The following CACNG2 variants were observed in gnomAD, a reference collection of about 807,000 sequenced individuals.
CACNG2 encodes the protein voltage-dependent calcium channel gamma-2 subunit.
Under a neutral mutation model 25.9 loss-of-function variants are expected in CACNG2, and 3 were observed. That is an observed-to-expected ratio of 0.12 (90% CI 0.05 to 0.30). The LOEUF is 0.30. Among genes scored for constraint, CACNG2 ranks in the 10% least tolerant of loss-of-function variants. The pLI, the probability that CACNG2 is intolerant of heterozygous loss-of-function variation, is 1.00. For synonymous variants in CACNG2, 167 were observed against 173.3 expected (o/e 0.96, Z 0.29); for missense variants, 341 against 432.5 (o/e 0.79, Z 1.88).
rs1603501464 is a variant in CACNG2 at position 36,606,048 on chromosome 22, TG to T, written c.212-18501del. Reference sequence around the variant, plus strand: ...GTGGGTCTGAGTTCTCTTTCTGCCGTGTATTAACCATGTGCTCTCGGACAAG... The same window carrying T: ...GTGGGTCTGAGTTCTCTTTCTGCCGTTATTAACCATGTGCTCTCGGACAAG... On this transcript the variant is annotated intron_variant, in intron 1 of 3. Transcript: ENST00000300105. The surrounding 1 kb of genome is among the most constrained non-coding windows in gnomAD (Gnocchi z 5.7). Among the ~76,000 whole-genome samples the T allele has an allele frequency of 6.6e-6, 1 of 152,200 alleles. No individual in the cohort carries two copies. Among genetic ancestry groups the T allele is most frequent in the East Asian group, 1.9e-4 (1 of 5,188 alleles).
Position 36,702,586 on chromosome 22 carries a change from T to C in CACNG2, c.-10A>G, listed in dbSNP as rs376969285. 51 of 1,610,884 alleles carry C rather than the reference T, an allele frequency of 3.2e-5. No individual in the cohort carries two copies. Among genetic ancestry groups the C allele is most frequent in the Non-Finnish European group, 4.3e-5 (51 of 1,177,304 alleles). ...GATCAAACAGCCCCATAATTCTTCA[T>C]TATATAAACACCCAACCGACTTCTG... On this transcript the variant is annotated 5_prime_UTR_variant, in exon 1 of 4. It removes an upstream start codon present in the reference 5' UTR. Coordinates refer to ENST00000300105, the MANE Select transcript of CACNG2 (RefSeq NM_006078.5).
chr22:36,593,763 G>A (rs1055149341), intron 1 of CACNG2, among the ~76,000 whole-genome samples: 11 of 151,982 alleles, frequency 7.2e-5, no homozygotes, highest in African/African-American at 1.9e-4. Context: ...TGGTCCCAAC[G>A]CCTCTGGTGG....
intron 2 of CACNG2, among the ~76,000 whole-genome samples, chr22:36,579,496 G>T (rs1222343134): frequency 6.6e-6 from 1 of 151,018 alleles, no homozygotes; most frequent in African/African-American, 2.4e-5. Flanking sequence ...TCCACTACCG[G>T]GCCCGAGCAC....
Position 36,562,945 on chromosome 22 carries a change from TTC to T in CACNG2, c.*1404_*1405del, listed in dbSNP as rs1029285553. ...TTGTAAATGGATTTGTATATTCGTTTTCTGTTTTTTTTTTCTTTACAAGTTCC... is the reference window on the plus strand; with the variant it reads ...TTGTAAATGGATTTGTATATTCGTTTTGTTTTTTTTTTCTTTACAAGTTCC... On this transcript the variant is annotated 3_prime_UTR_variant, in exon 4 of 4. Coordinates refer to ENST00000300105, the MANE Select transcript of CACNG2 (RefSeq NM_006078.5). The T allele has an allele frequency of 2.6e-5, 4 of 151,898 alleles. No individual in the cohort carries two copies. The highest frequency in any genetic ancestry group is 5.9e-5 in the Non-Finnish European group (4 of 67,968). 9.4% of individuals were successfully genotyped at this position (151,898 alleles called of 1,614,324 possible).
intron 1 of CACNG2, among the ~76,000 whole-genome samples, chr22:36,613,069 G>A (rs2034298321): frequency 1.3e-5 from 2 of 152,052 alleles, no homozygotes; most frequent in Admixed American, 6.6e-5. Context: ...GCTTTTCTGT[G>A]CCTTTACTAT....
At chr22:36,653,095 G>T (rs957414049) in intron 1 of CACNG2, among the ~76,000 whole-genome samples, 2 of 152,212 alleles carry the variant, frequency 1.3e-5, no homozygotes, top group African/African-American at 4.8e-5. Flanking sequence ...GCCGAGGCGG[G>T]TGGATCACCT....
At chr22:36,571,443 C>G (rs530857241) in intron 2 of CACNG2, among the ~76,000 whole-genome samples, 1 of 151,526 alleles carries the variant, frequency 6.6e-6, no homozygotes, top group African/African-American at 2.4e-5. Context: ...GGTGACGGAG[C>G]GAGGTTCCAT....
At chr22:36,692,327 AGT>A (rs1432330903) in intron 1 of CACNG2, among the ~76,000 whole-genome samples, 1 of 152,228 alleles carries the variant, frequency 6.6e-6, no homozygotes, top group Non-Finnish European at 1.5e-5. Context: ...GAATGAATAT[AGT>A]GTCAGTAAGG....
chr22:36,676,235 G>A (rs1292402387), intron 1 of CACNG2, among the ~76,000 whole-genome samples: 1 of 152,180 alleles, frequency 6.6e-6, no homozygotes, highest in Non-Finnish European at 1.5e-5. Context: ...GACCACACAC[G>A]TGTACTTTGC....
intron 1 of CACNG2, among the ~76,000 whole-genome samples, chr22:36,663,076 A>G (rs967086314): frequency 6.6e-6 from 1 of 152,022 alleles, no homozygotes; most frequent in Admixed American, 6.5e-5. Flanking sequence ...AACTCAGTGA[A>G]GTATCTCAGG....
chr22:36,604,126 A>G (rs757449730), intron 1 of CACNG2, among the ~76,000 whole-genome samples: 4 of 152,164 alleles, frequency 2.6e-5, no homozygotes, highest in Non-Finnish European at 4.4e-5. Context: ...ATTGGTTCCA[A>G]CCCTTATAGA....
intron 1 of CACNG2, among the ~76,000 whole-genome samples, chr22:36,681,557 G>A (rs1163392608): frequency 1.3e-5 from 2 of 151,918 alleles, no homozygotes; most frequent in African/African-American, 2.4e-5. Context: ...TTGGGGGGCA[G>A]CCACTTTTAT....
chr22:36,650,968 T>A (rs919843963), intron 1 of CACNG2, among the ~76,000 whole-genome samples: 1 of 152,220 alleles, frequency 6.6e-6, no homozygotes, highest in African/African-American at 2.4e-5. Flanking sequence ...CAGGTATTTA[T>A]TCAAATATTA....
intron 1 of CACNG2, among the ~76,000 whole-genome samples, chr22:36,626,882 A>C (rs768740408): frequency 5.3e-5 from 8 of 152,278 alleles, no homozygotes; most frequent in Non-Finnish European, 1.0e-4. Context: ...ATGGGGTGAC[A>C]GGCATTTATT....
At chr22:36,618,869 G>A (rs573466429) in intron 1 of CACNG2, among the ~76,000 whole-genome samples, 3 of 152,238 alleles carry the variant, frequency 2.0e-5, no homozygotes, top group East Asian at 1.9e-4. Context: ...GCAGTGAGCC[G>A]AGATGGCACC....
At chr22:36,609,506 C>T (rs1417866445) in intron 1 of CACNG2, among the ~76,000 whole-genome samples, 1 of 130,592 alleles carries the variant, frequency 7.7e-6, no homozygotes, top group Non-Finnish European at 1.6e-5. Flanking sequence ...CAGGAGGAAT[C>T]AACCCCCTAG....
At chr22:36,674,082 C>G (rs1936991564) in intron 1 of CACNG2, among the ~76,000 whole-genome samples, 1 of 152,206 alleles carries the variant, frequency 6.6e-6, no homozygotes, top group African/African-American at 2.4e-5. Context: ...CAAGTCAGCC[C>G]TGGCCATTGA....
intron 1 of CACNG2, among the ~76,000 whole-genome samples, chr22:36,654,694 G>A (rs376997366): frequency 2.6e-5 from 4 of 152,046 alleles, no homozygotes; most frequent in South Asian, 2.1e-4. Context: ...AACTTCAGAC[G>A]CATAAAAAAA....
At chr22:36,591,815 C>T (rs1043043688) in intron 1 of CACNG2, among the ~76,000 whole-genome samples, 7 of 152,064 alleles carry the variant, frequency 4.6e-5, no homozygotes, top group Admixed American at 3.9e-4. Flanking sequence ...CCAGGAGGGA[C>T]AGCAGAGCTC....
Sources: allele counts gnomAD v4.1 joint callset (sites outside exome capture counted in the v4.1 genomes callset), GRCh38; gene constraint gnomAD v4.1.1; non-coding constraint Gnocchi (gnomAD v3.1); transcripts MANE v1.5; gene names NCBI Gene and HGNC (gene_info 2026-07-23, HGNC 2026-07-21).